Variants in MYCBP2 observed in about 807,000 individuals in gnomAD.
The protein encoded by MYCBP2 is MYC binding protein 2, also known as E3 ubiquitin-protein ligase MYCBP2.
Under a neutral mutation model 525.3 loss-of-function variants are expected in MYCBP2, and 120 were observed. The observed-to-expected ratio is 0.23, with a 90% confidence interval of 0.20 to 0.27. The LOEUF is 0.27. MYCBP2 is among the 10% of genes least tolerant of loss of function. The pLI is 1.00. For missense variants in MYCBP2, 4,149 were observed against 5,657.1 expected (o/e 0.73, Z 8.55); for synonymous variants, 1,894 against 1,955.8 (o/e 0.97, Z 0.83).
At chr13:77,231,011 G>T (rs2067054537) in intron 18 of MYCBP2, among the ~76,000 whole-genome samples, 1 of 152,180 alleles carries the variant, frequency 6.6e-6, no homozygotes, top group Admixed American at 6.5e-5. Flanking sequence ...GAGTGTAAAT[G>T]GTTAGTGGCT....
intron 5 of MYCBP2, chr13:77,272,402 A>C (rs1217205573): frequency 6.6e-6 from 1 of 152,256 alleles, no homozygotes. Context: ...CTAAGTCTCT[A>C]TATAAAAGCA....
At chr13:77,189,069 A>C in intron 29 of MYCBP2, 22 bp from the exon 30 acceptor site, 5 of 1,530,116 alleles carry the variant, frequency 3.3e-6, no homozygotes, top group Non-Finnish European at 4.4e-6. Context: ...AGACACATAT[A>C]AAATTATGTT....
chr13:77,093,509 C>T (rs893936019), intron 58 of MYCBP2, among the ~76,000 whole-genome samples, 177 bp from the exon 59 acceptor site: 6 of 152,184 alleles, frequency 3.9e-5, no homozygotes, highest in Non-Finnish European at 8.8e-5. Flanking sequence ...TATTCATCAA[C>T]ATTCCAGGTA....
chr13:77,124,602 T>C (rs2051329376), intron 54 of MYCBP2, among the ~76,000 whole-genome samples: 2 of 152,166 alleles, frequency 1.3e-5, no homozygotes, highest in Admixed American at 6.6e-5. Context: ...ATAAAAACCA[T>C]GTGCCTGTCC....
chr13:77,246,539 A>AAGG (rs199969684), intron 15 of MYCBP2, among the ~76,000 whole-genome samples: 2 of 149,798 alleles, frequency 1.3e-5, no homozygotes, highest in African/African-American at 2.5e-5. Flanking sequence ...AAAGAAGGAG[A>AAGG]AGGAGGAGGA....
At position 77,081,954 on chromosome 13, in the gene MYCBP2, G is replaced by A; in HGVS notation, c.11076C>T (p.Phe3692=). 1 of 1,613,490 alleles carries A rather than the reference G, an allele frequency of 6.2e-7. No individual in the cohort carries two copies. Among genetic ancestry groups the A allele is most frequent in the Non-Finnish European group, 8.5e-7 (1 of 1,179,668 alleles). ...GATGAAAGACGTTGCTCTGATGAAG[G>A]AACTGGTGATCAGATTGCTTGAATT... is the stretch of plus-strand genomic sequence containing the variant. ...SLKFKQSDHQ[F]LHQSNVFHHI... is the part of the protein sequence containing the mutation. The change falls in exon 64 of 83, where the codon TTC becomes TTT. Residue 3692 remains phenylalanine, a synonymous_variant. Coordinates refer to ENST00000544440, the MANE Select transcript of MYCBP2 (RefSeq NM_015057.5). The surrounding 1 kb of genome is among the most constrained non-coding windows in gnomAD (Gnocchi z 4.6).
intron 80 of MYCBP2, among the ~76,000 whole-genome samples, chr13:77,052,297 C>G (rs1450513228): frequency 6.6e-6 from 1 of 152,160 alleles, no homozygotes; most frequent in Non-Finnish European, 1.5e-5. Flanking sequence ...CTCTTGGGCT[C>G]AGGCGATCCG....
rs2069325784 is a variant in MYCBP2, at chr13:77,243,744, A to G, written c.2527+62T>C. The G allele has an allele frequency of 2.8e-6, 4 of 1,438,212 alleles. No individual in the cohort carries two copies. The South Asian group carries it at 4.3e-5, about 16-fold the overall frequency. 89.1% of individuals were successfully genotyped at this position (1,438,212 alleles called of 1,614,324 possible). ...CATATATCTAAAAGAAATTGTTTAA[A>G]CTGTCAGACTTACTGAGTTGAGGAC... On this transcript the variant is annotated intron_variant, in intron 16 of 82. Coordinates refer to ENST00000544440, the MANE Select transcript of MYCBP2 (RefSeq NM_015057.5).
intron 14 of MYCBP2, 144 bp from the exon 15 acceptor site, chr13:77,251,499 T>C (rs553333925): frequency 1.5e-6 from 1 of 683,692 alleles, no homozygotes; most frequent in Admixed American, 2.9e-5. Context: ...GTAACAAAAA[T>C]AAATTTTAAT....
chr13:77,051,896 C>A lies in MYCBP2; in HGVS notation c.13670G>T (p.Arg4557Leu). The A allele has an allele frequency of 6.2e-7, 1 of 1,614,086 alleles. No homozygotes were observed. ...CRKAYFGGEA[R>L]CDAEAGRGDD... is the part of the protein sequence containing the mutation. ...TCCCCGTCCAGCCTCAGCATCGCAG[C>A]GAGCTTCACCACCAAAATATGCCTG... Residue 4557 changes from arginine (R) to leucine (L), a missense_variant, in exon 81 of 83, where the codon CGC (arginine) becomes CTC (leucine). Arg to Leu is a moderately radical substitution (Grantham distance 102). This residue lies in a region of MYCBP2 where 24 missense variants were observed against 24.9 expected (regional missense o/e 0.96). Coordinates refer to ENST00000544440, the MANE Select transcript of MYCBP2 (RefSeq NM_015057.5).
Sources: allele counts gnomAD v4.1 joint callset (sites outside exome capture counted in the v4.1 genomes callset), GRCh38; gene constraint gnomAD v4.1.1; regional missense constraint gnomAD v4.1.1; non-coding constraint Gnocchi (gnomAD v3.1); transcripts MANE v1.5; gene names NCBI Gene and HGNC (gene_info 2026-07-23, HGNC 2026-07-21).